The following C9orf85 variants were observed in gnomAD, a reference collection of about 807,000 sequenced individuals.
C9orf85 encodes chromosome 9 open reading frame 85.
Under a neutral mutation model 14.9 loss-of-function variants are expected in C9orf85, and 16 were observed. The observed-to-expected ratio is 1.08, with a 90% CI of 0.73 to 1.63. C9orf85 has a LOEUF of 1.63. C9orf85 is among the 40% of genes most tolerant of loss of function. The pLI is 0.00. For missense variants in C9orf85, 172 were observed against 186.1 expected (o/e 0.92, Z 0.44); for synonymous variants, 45 against 56.8 (o/e 0.79, Z 0.93).
At chr9:71,968,101 T>TAGAGAGAG (rs3044594) in intron 2 of C9orf85, among the ~76,000 whole-genome samples, 6,380 of 146,686 alleles carry the variant, frequency 0.043, 195 homozygotes, top group Middle Eastern at 0.063. Flanking sequence ...TATATATATA[T>TAGAGAGAG]AGAGAGAGAG....
chr9:71,923,965 G>A lies in C9orf85; in HGVS notation c.102+12129G>A, dbSNP rs143239151. Reference sequence around the variant, plus strand: ...TAGAACAAATGTTAACCTTTAAGTCGTGGCTTTTGGGGACAGATACAGGTA... The same window carrying A: ...TAGAACAAATGTTAACCTTTAAGTCATGGCTTTTGGGGACAGATACAGGTA... On this transcript the variant is annotated intron_variant, in intron 1 of 3. Transcript: ENST00000334731. Among the ~76,000 whole-genome samples, 52 of 152,156 alleles carry A rather than the reference G, an allele frequency of 3.4e-4. No homozygotes were observed. In the East Asian group the frequency reaches 8.3e-3, roughly 24 times the overall value.
intron 1 of C9orf85, chr9:71,912,117 C>T (rs1312062223): frequency 4.5e-6 from 2 of 441,742 alleles, no homozygotes; most frequent in Non-Finnish European, 8.5e-6. Context: ...GCAGTTACGT[C>T]GTTCAGCGTT....
intron 3 of C9orf85, among the ~76,000 whole-genome samples, chr9:71,979,242 T>G (rs1242601732): frequency 6.6e-6 from 1 of 152,214 alleles, no homozygotes; most frequent in African/African-American, 2.4e-5. Context: ...GCTGTGACAC[T>G]GTTCTCATTT....
chr9:71,978,660 C>T (rs1489192245), intron 3 of C9orf85, among the ~76,000 whole-genome samples: 1 of 152,036 alleles, frequency 6.6e-6, no homozygotes, highest in Non-Finnish European at 1.5e-5. Flanking sequence ...AAGAGGGGAA[C>T]TTCTGGAATG....
chr9:71,964,821 T>C (rs940165219), intron 2 of C9orf85, among the ~76,000 whole-genome samples: 1 of 152,190 alleles, frequency 6.6e-6, no homozygotes, highest in African/African-American at 2.4e-5. Flanking sequence ...GTGAGTGTTA[T>C]AGCTCTACTA....
intron 3 of C9orf85, 141 bp downstream of exon 3, chr9:71,971,759 G>A: frequency 1.9e-6 from 1 of 538,736 alleles, no homozygotes; most frequent in Non-Finnish European, 3.3e-6. Flanking sequence ...GGATCACGAG[G>A]TCAGGAGTTC....
chr9:71,958,145 A>G (rs1822424884), intron 2 of C9orf85, among the ~76,000 whole-genome samples: 1 of 151,338 alleles, frequency 6.6e-6, no homozygotes, highest in Non-Finnish European at 1.5e-5. Flanking sequence ...TGTTTGGGGA[A>G]ATAGGGTAAA....
intron 2 of C9orf85, among the ~76,000 whole-genome samples, chr9:71,950,685 G>A (rs1200067848): frequency 1.3e-5 from 2 of 152,056 alleles, no homozygotes; most frequent in Non-Finnish European, 2.9e-5. Context: ...TATATCTTTT[G>A]TATAAAGATT....
intron 1 of C9orf85, among the ~76,000 whole-genome samples, chr9:71,934,656 C>A (rs1828147630): frequency 6.6e-6 from 1 of 151,924 alleles, no homozygotes; most frequent in African/African-American, 2.4e-5. Context: ...ATCACTTGAG[C>A]CCAGGAGTTT....
At chr9:71,930,803 C>CA (rs747596247) in intron 1 of C9orf85, among the ~76,000 whole-genome samples, 2,904 of 59,978 alleles carry the variant, frequency 0.048, 92 homozygotes, top group African/African-American at 0.087. Flanking sequence ...GACCCTGTCT[C>CA]AAAAAAAAAA....
intron 2 of C9orf85, among the ~76,000 whole-genome samples, chr9:71,970,942 A>AT: frequency 6.6e-6 from 1 of 151,120 alleles, no homozygotes; most frequent in African/African-American, 2.4e-5. Context: ...TTTAGTAGAG[A>AT]TGGGGTTTCA....
At chr9:71,925,764 A>G (rs1233133734) in intron 1 of C9orf85, among the ~76,000 whole-genome samples, 2 of 152,252 alleles carry the variant, frequency 1.3e-5, no homozygotes, top group Non-Finnish European at 2.9e-5. Flanking sequence ...ACTTTGTAAC[A>G]TATACATTGA....
Position 71,971,553 on chromosome 9 carries a change from C to G in C9orf85, c.258C>G (p.Cys86Trp), listed in dbSNP as rs766494564. The change falls in exon 3 of 4, where the codon TGC (cysteine) becomes TGG (tryptophan). Residue 86 changes from cysteine to tryptophan, a missense_variant. Coordinates refer to ENST00000334731, the MANE Select transcript of C9orf85 (RefSeq NM_182505.5). ...TGAAGGATTCTTATCACATAATGTG[C>G]AGGCCATGTGCCTGTGAACTTGAAG... ...KTVKDSYHIM[C>W]RPCACELEVC... 1 of 1,611,102 alleles carries G rather than the reference C, an allele frequency of 6.2e-7. No individual in the cohort carries two copies. The highest frequency in any genetic ancestry group is 2.2e-5 in the East Asian group (1 of 44,730).
chr9:71,967,713 C>CTTTTTTTTTT (rs55750667), intron 2 of C9orf85, among the ~76,000 whole-genome samples: 2 of 94,110 alleles, frequency 2.1e-5, no homozygotes, highest in Non-Finnish European at 4.0e-5. Context: ...TATGACCTTT[C>CTTTTTTTTTT]TTTTTTTTTT....
At chr9:71,947,386 G>C (rs1274085890) in intron 2 of C9orf85, among the ~76,000 whole-genome samples, 1 of 152,146 alleles carries the variant, frequency 6.6e-6, no homozygotes, top group Non-Finnish European at 1.5e-5. Context: ...TTAGGGCTGA[G>C]AAGAGAGTAT....
At chr9:71,953,122 TC>T (rs1458829126) in intron 2 of C9orf85, among the ~76,000 whole-genome samples, 1 of 151,862 alleles carries the variant, frequency 6.6e-6, no homozygotes, top group Non-Finnish European at 1.5e-5. Context: ...CTGCTAAACA[TC>T]CCACAGTTCA....
At chr9:71,971,395 T>C in intron 2 of C9orf85, 110 bp from the exon 3 acceptor site, 1 of 523,844 alleles carries the variant, frequency 1.9e-6, no homozygotes. Context: ...AATTGAAACC[T>C]AGGAATTTTG....
intron 1 of C9orf85, chr9:71,918,285 T>C (rs749931162): frequency 1.2e-5 from 5 of 405,540 alleles, no homozygotes; most frequent in Admixed American, 4.1e-5. Context: ...ACTAATTATA[T>C]TAGTGTTCCT....
chr9:71,930,995 G>A (rs975260517), intron 1 of C9orf85, among the ~76,000 whole-genome samples: 4 of 152,050 alleles, frequency 2.6e-5, no homozygotes, highest in Non-Finnish European at 4.4e-5. Flanking sequence ...CCCAACCTTC[G>A]AGGTGTTTAG....
Sources: allele counts gnomAD v4.1 joint callset (sites outside exome capture counted in the v4.1 genomes callset), GRCh38; gene constraint gnomAD v4.1.1; transcripts MANE v1.5; gene names NCBI Gene and HGNC (gene_info 2026-07-23, HGNC 2026-07-21).